Variants in DYNC2LI1 observed in about 807,000 individuals in gnomAD.
The protein encoded by DYNC2LI1 is cytoplasmic dynein 2 light intermediate chain 1.
DYNC2LI1 carries 45 observed loss-of-function variants against 51.9 expected under a neutral mutation model. That is an observed-to-expected ratio of 0.87 (90% CI 0.68 to 1.11). The LOEUF is 1.11. Ranked by LOEUF, DYNC2LI1 falls within the 50% of genes most tolerant of loss-of-function variation. The probability of loss-of-function intolerance (pLI) is 0.00; values close to 1 mark genes in which losing one functional copy is unlikely to be tolerated. For synonymous variants in DYNC2LI1, 130 were observed against 137.8 expected (o/e 0.94, Z 0.40); for missense variants, 490 against 417.4 (o/e 1.17, Z -1.51).
At chr2:43,776,080 C>T (rs1387363623) in intron 1 of DYNC2LI1, among the ~76,000 whole-genome samples, 1 of 151,680 alleles carries the variant, frequency 6.6e-6, no homozygotes, top group Non-Finnish European at 1.5e-5. Context: ...TACATGTGCA[C>T]AACGTGCAGG....
In DYNC2LI1 at chr2:43,776,572, G is replaced by A. The variant is rs543263214; in HGVS notation, c.9-210G>A. 3.9e-5 allele frequency among the ~76,000 whole-genome samples: 6 copies of A among 152,212 alleles called. No homozygotes were observed. In the South Asian group the frequency reaches 1.0e-3, roughly 26 times the overall value. Reference sequence around the variant, plus strand: ...ATAAAGGCTCTGCTTATCAATTTCAGTATTCTTCAGAGAACTAGTTCAAAG... The same window carrying A: ...ATAAAGGCTCTGCTTATCAATTTCAATATTCTTCAGAGAACTAGTTCAAAG... On this transcript the variant is annotated intron_variant, in intron 1 of 12. Coordinates refer to ENST00000260605, the MANE Select transcript of DYNC2LI1 (RefSeq NM_016008.4).
the DYNC2LI1 span, chr2:43,819,801 G>A: frequency 6.2e-6 from 7 of 1,125,552 alleles, no homozygotes; most frequent in Admixed American, 1.8e-5. Context: ...TAGACTATAA[G>A]GTAATATCCA....
At chr2:43,826,351 A>C in the DYNC2LI1 span, 7 of 1,613,222 alleles carry the variant, frequency 4.3e-6, no homozygotes, top group Non-Finnish European at 4.2e-6. Context: ...AACACACCAT[A>C]GACCCGGCCT....
At chr2:43,825,021 G>C in the DYNC2LI1 span, 1 of 1,613,476 alleles carries the variant, frequency 6.2e-7, no homozygotes, top group South Asian at 1.1e-5. Flanking sequence ...TCAAAGAGCT[G>C]ACCAGACAAC....
chr2:43,815,586 T>A, the DYNC2LI1 span, among the ~76,000 whole-genome samples: 2 of 152,136 alleles, frequency 1.3e-5, no homozygotes, highest in Non-Finnish European at 2.9e-5. Flanking sequence ...AGGTTGCTAA[T>A]TGAAAAGGAT....
At chr2:43,792,905 C>A (rs1673858454) in intron 5 of DYNC2LI1, 2 of 1,217,920 alleles carry the variant, frequency 1.6e-6, no homozygotes, top group Middle Eastern at 2.0e-4. Context: ...TTAATCCATG[C>A]AGAACATTTG....
At chr2:43,817,900 A>C in the DYNC2LI1 span, among the ~76,000 whole-genome samples, 34 of 152,044 alleles carry the variant, frequency 2.2e-4, no homozygotes, top group Non-Finnish European at 4.7e-4. Flanking sequence ...ACAGAGCGCG[A>C]TTCCCTCTCA....
chr2:43,808,576 G>C (rs1572726991), intron 12 of DYNC2LI1, among the ~76,000 whole-genome samples: 1 of 152,168 alleles, frequency 6.6e-6, no homozygotes, highest in South Asian at 2.1e-4. Context: ...CCTTTTACAT[G>C]TCAGTTGCCT....
At chr2:43,791,165 A>T (rs1035225040) in intron 5 of DYNC2LI1, among the ~76,000 whole-genome samples, 1 of 152,156 alleles carries the variant, frequency 6.6e-6, no homozygotes. Context: ...AGGCTGCAGT[A>T]AGCTATGATC....
At chr2:43,774,217 G>A in intron 1 of DYNC2LI1, 71 bp downstream of exon 1, 1 of 1,596,960 alleles carries the variant, frequency 6.3e-7, no homozygotes, top group Non-Finnish European at 8.5e-7. Flanking sequence ...GCCCAGGCGG[G>A]ACCAGCTGTT....
At chr2:43,796,595 A>G in intron 7 of DYNC2LI1, 123 bp from the exon 8 acceptor site, 1 of 682,554 alleles carries the variant, frequency 1.5e-6, no homozygotes, top group South Asian at 2.0e-5. Flanking sequence ...AAGGTAATGG[A>G]ATCCTATTCC....
At chr2:43,811,876 G>A (rs947166118), downstream of DYNC2LI1, among the ~76,000 whole-genome samples, 1 of 152,176 alleles carries the variant, frequency 6.6e-6, no homozygotes, top group Non-Finnish European at 1.5e-5. Context: ...TTACAGGCAT[G>A]AGCCACCGCG....
chr2:43,818,400 C>T, the DYNC2LI1 span, among the ~76,000 whole-genome samples: 30 of 152,186 alleles, frequency 2.0e-4, no homozygotes, highest in South Asian at 8.3e-4. Context: ...GCTGAGATCG[C>T]GCCATTGCAC....
intron 8 of DYNC2LI1, among the ~76,000 whole-genome samples, chr2:43,799,035 C>T (rs971424180): frequency 2.0e-5 from 3 of 152,096 alleles, no homozygotes; most frequent in African/African-American, 7.2e-5. Context: ...GGTGTGGTAG[C>T]TCTTGCCTCT....
At chr2:43,793,658 C>G (rs1198397071) in intron 5 of DYNC2LI1, 1 of 146,596 alleles carries the variant, frequency 6.8e-6, no homozygotes, top group East Asian at 2.0e-4. Flanking sequence ...CCAGGCTGGT[C>G]TTGAACTCCT....
chr2:43,824,445 C>G, the DYNC2LI1 span: 5 of 1,612,942 alleles, frequency 3.1e-6, no homozygotes, highest in Admixed American at 8.3e-5. Context: ...AAAAGTTTTT[C>G]CCAAAAGATG....
intron 4 of DYNC2LI1, among the ~76,000 whole-genome samples, chr2:43,788,544 G>C (rs1274825417): frequency 6.6e-6 from 1 of 152,198 alleles, no homozygotes; most frequent in African/African-American, 2.4e-5. Flanking sequence ...AGTGTCTTCA[G>C]TGTCAGGACA....
chr2:43,807,184 TGCTGTGAAGTCAGTCCTCAA>T (rs1308236617), intron 12 of DYNC2LI1, among the ~76,000 whole-genome samples: 2 of 152,162 alleles, frequency 1.3e-5, no homozygotes, highest in East Asian at 3.8e-4. Context: ...TCCAATTGTG[TGCTGTGAAGTCAGTCCTCAA>T]GGATCTGAGG....
At chr2:43,812,581 G>A (rs77638440), downstream of DYNC2LI1, 917 of 166,610 alleles carry the variant, frequency 5.5e-3, 5 homozygotes, top group African/African-American at 0.02. Flanking sequence ...CTCTCGATGT[G>A]ATCAGGTAAC....
Sources: gnomAD v4.1 joint callset for allele counts (sites outside exome capture counted in the v4.1 genomes callset) on GRCh38, gnomAD v4.1.1 for gene constraint, MANE v1.5 for transcripts, NCBI Gene and HGNC (gene_info 2026-07-23, HGNC 2026-07-21) for gene names.